RNF6: variants seen among roughly 807,000 people sequenced by gnomAD.
RNF6 encodes ring finger protein 6, also known as E3 ubiquitin-protein ligase RNF6.
In RNF6, 21 loss-of-function variants were observed where a neutral mutation model predicts 50.1. That is an observed-to-expected ratio of 0.42 (90% CI 0.30 to 0.60). RNF6 has a LOEUF of 0.60. Ranked by LOEUF, RNF6 falls within the 20% of genes least tolerant of loss-of-function variation. The pLI is 0.20. For missense variants in RNF6, 698 were observed against 838.2 expected, an observed-to-expected ratio of 0.83 and a Z score of 2.07; for synonymous variants, 255 against 291.8, an observed-to-expected ratio of 0.87 and a Z score of 1.29.
chr13:26,141,012 T>C (rs923894268), intron 5 of RNF6, among the ~76,000 whole-genome samples: 1 of 152,208 alleles, frequency 6.6e-6, no homozygotes, highest in Non-Finnish European at 1.5e-5. Context: ...TTCATGATCA[T>C]GGATTGGAAG....
At chr13:26,170,863 CA>C (rs1422142165) in intron 5 of RNF6, among the ~76,000 whole-genome samples, 2 of 152,094 alleles carry the variant, frequency 1.3e-5, no homozygotes, top group African/African-American at 2.4e-5. Context: ...TATTCACATG[CA>C]AAAGAATACA....
At chr13:26,209,486 G>A (rs138507764), downstream of RNF6, among the ~76,000 whole-genome samples, 6 of 152,220 alleles carry the variant, frequency 3.9e-5, no homozygotes, top group Admixed American at 3.9e-4. Flanking sequence ...TCACTGTATC[G>A]GGTAGGCAGG....
rs1330942277 is a variant in RNF6 at position 26,161,375 on chromosome 13, C to G, written n.769-28924G>C. Reference sequence around the variant, plus strand: ...CATAATAAAAAGTCCTACTGTGATTCTGAATAAAATTTTATGAACTGTATG... The same window carrying G: ...CATAATAAAAAGTCCTACTGTGATTGTGAATAAAATTTTATGAACTGTATG... On this transcript the variant is annotated intron_variant and non_coding_transcript_variant, in intron 5 of 5. Transcript: ENST00000468480. 4.6e-5 allele frequency among the ~76,000 whole-genome samples: 7 copies of G among 152,180 alleles called. No homozygotes were observed. The East Asian group carries it at 1.2e-3, about 25-fold the overall frequency.
At chr13:26,134,067 T>C (rs546527028) in intron 5 of RNF6, among the ~76,000 whole-genome samples, 2 of 152,336 alleles carry the variant, frequency 1.3e-5, no homozygotes, top group South Asian at 2.1e-4. Context: ...AGTTGCACAC[T>C]TGACCTCTGT....
rs1873286666 is a variant in RNF6 at position 26,182,426 on chromosome 13, G to A, written n.768+33048C>T. Among the ~76,000 whole-genome samples the A allele has an allele frequency of 2.6e-5, 4 of 152,278 alleles. No individual in the cohort carries two copies. The South Asian group carries it at 8.3e-4, about 32-fold the overall frequency. ...ACATCAGGGGTTATAAAATATCAGT[G>A]TGTCATTTTATTGATGATAAATTGA... On this transcript the variant is annotated intron_variant and non_coding_transcript_variant, in intron 5 of 5. Coordinates refer to the RNF6 transcript ENST00000468480.
At chr13:26,205,531 A>C (rs1456675664) in intron 5 of RNF6, among the ~76,000 whole-genome samples, 1 of 152,190 alleles carries the variant, frequency 6.6e-6, no homozygotes, top group Non-Finnish European at 1.5e-5. Flanking sequence ...CTCTCTCAGC[A>C]TACTCCGTGG....
chr13:26,180,456 G>A (rs962370827), intron 5 of RNF6, among the ~76,000 whole-genome samples: 1 of 152,144 alleles, frequency 6.6e-6, no homozygotes, highest in African/African-American at 2.4e-5. Context: ...CAGCCCAGGA[G>A]ACCCCTCAAA....
At chr13:26,174,470 G>A (rs1450489617) in intron 5 of RNF6, among the ~76,000 whole-genome samples, 5 of 148,312 alleles carry the variant, frequency 3.4e-5, no homozygotes, top group African/African-American at 1.2e-4. Context: ...GGCCAACATG[G>A]TGCAACCCCA....
chr13:26,152,656 T>G (rs1382671901), intron 5 of RNF6, among the ~76,000 whole-genome samples: 1 of 152,224 alleles, frequency 6.6e-6, no homozygotes, highest in East Asian at 1.9e-4. Flanking sequence ...TAAGGTCAAT[T>G]CAACAAGTTT....
chr13:26,135,793 C>T (rs1184624941), intron 5 of RNF6, among the ~76,000 whole-genome samples: 1 of 151,994 alleles, frequency 6.6e-6, no homozygotes, highest in East Asian at 1.9e-4. Flanking sequence ...TCAAGAATGT[C>T]TTGGTGCTGT....
intron 5 of RNF6, among the ~76,000 whole-genome samples, chr13:26,146,180 G>A (rs982589001): frequency 6.6e-6 from 1 of 152,194 alleles, no homozygotes; most frequent in Admixed American, 6.5e-5. Context: ...GGGAAGGCTG[G>A]GAGAAGTGTT....
intron 5 of RNF6, among the ~76,000 whole-genome samples, chr13:26,141,006 T>C (rs2419895): frequency 0.13 from 20,226 of 152,244 alleles, 1,706 homozygotes; most frequent in Admixed American, 0.2. Flanking sequence ...AAATATTTCA[T>C]GATCATGGAT....
At chr13:26,146,666 A>T (rs982161626) in intron 5 of RNF6, among the ~76,000 whole-genome samples, 4 of 152,194 alleles carry the variant, frequency 2.6e-5, no homozygotes, top group Non-Finnish European at 5.9e-5. Flanking sequence ...CTTCTACCTC[A>T]TTCTCTATGG....
At chr13:26,153,742 A>G (rs1871758844) in intron 5 of RNF6, among the ~76,000 whole-genome samples, 1 of 152,138 alleles carries the variant, frequency 6.6e-6, no homozygotes, top group Admixed American at 6.5e-5. Context: ...TAAATTTTTT[A>G]TTTCAAAATA....
chr13:26,144,568 A>T (rs1871134429), intron 5 of RNF6, among the ~76,000 whole-genome samples: 1 of 152,180 alleles, frequency 6.6e-6, no homozygotes, highest in Admixed American at 6.5e-5. Flanking sequence ...GTAAACAACC[A>T]GGTGCACTCC....
chr13:26,146,338 C>T (rs141196674), intron 5 of RNF6, among the ~76,000 whole-genome samples: 54 of 152,326 alleles, frequency 3.5e-4, no homozygotes, highest in African/African-American at 1.3e-3. Flanking sequence ...ACCACATCTA[C>T]CTTGCCTTTG....
chr13:26,212,181 A>C (rs1414042687), downstream of RNF6, among the ~76,000 whole-genome samples: 2 of 152,196 alleles, frequency 1.3e-5, no homozygotes, highest in Non-Finnish European at 2.9e-5. Flanking sequence ...TGGGCCATGA[A>C]AAATGATCCT....
At chr13:26,193,894 T>A (rs1051632076) in intron 5 of RNF6, among the ~76,000 whole-genome samples, 1 of 152,228 alleles carries the variant, frequency 6.6e-6, no homozygotes, top group Non-Finnish European at 1.5e-5. Flanking sequence ...GTAGATGTAG[T>A]AGCACAAGCT....
chr13:26,207,787 C>T (rs1297182033), downstream of RNF6, among the ~76,000 whole-genome samples: 5 of 152,190 alleles, frequency 3.3e-5, no homozygotes, highest in East Asian at 5.8e-4. Flanking sequence ...ACACCAGTGC[C>T]GTGAATATGG....
Sources: gnomAD v4.1 joint callset for allele counts (sites outside exome capture counted in the v4.1 genomes callset) on GRCh38, gnomAD v4.1.1 for gene constraint, MANE v1.5 for transcripts, NCBI Gene and HGNC (gene_info 2026-07-23, HGNC 2026-07-21) for gene names.